The following ZNF536 variants were observed in gnomAD, a reference collection of about 807,000 sequenced individuals.
ZNF536 encodes zinc finger protein 536.
A neutral mutation model predicts 84.5 loss-of-function variants in ZNF536; 13 were observed. That is an observed-to-expected ratio of 0.15 (90% CI 0.10 to 0.24). The LOEUF is 0.24. Among genes scored for constraint, ZNF536 ranks in the 10% least tolerant of loss-of-function variants. ZNF536 has a pLI of 1.00. For synonymous variants in ZNF536, 811 were observed against 742.5 expected (o/e 1.09, Z -1.50); for missense variants, 1,536 against 1,747.5 (o/e 0.88, Z 2.16).
At chr19:30,685,765 G>T (rs768287748) in intron 1 of ZNF536, among the ~76,000 whole-genome samples, 1 of 152,166 alleles carries the variant, frequency 6.6e-6, no homozygotes, top group African/African-American at 2.4e-5. Context: ...CGCTGCCGCC[G>T]TCCTCCCCTC....
intron 1 of ZNF536, among the ~76,000 whole-genome samples, chr19:30,593,485 G>A (rs527418930): frequency 3.3e-5 from 5 of 152,228 alleles, no homozygotes; most frequent in Admixed American, 2.6e-4. Flanking sequence ...CTCAGGCCTG[G>A]CTCTTATGAA....
chr19:30,670,884 A>G (rs1466345879), intron 1 of ZNF536, among the ~76,000 whole-genome samples: 3 of 152,154 alleles, frequency 2.0e-5, no homozygotes, highest in Non-Finnish European at 4.4e-5. Flanking sequence ...CACTCTATCA[A>G]ATGGATGAAT....
intron 2 of ZNF536, among the ~76,000 whole-genome samples, chr19:30,287,893 T>C (rs996212983): frequency 6.6e-6 from 1 of 152,200 alleles, no homozygotes; most frequent in African/African-American, 2.4e-5. Context: ...CCTTAGAATA[T>C]TGGGCTCATT....
At chr19:30,653,976 C>A (rs964350125) in intron 1 of ZNF536, among the ~76,000 whole-genome samples, 1 of 152,204 alleles carries the variant, frequency 6.6e-6, no homozygotes, top group Non-Finnish European at 1.5e-5. Context: ...CGTGCTTTAG[C>A]TCTGCCTTCT....
chr19:30,613,232 T>G (rs771638388), intron 1 of ZNF536, among the ~76,000 whole-genome samples: 1 of 152,186 alleles, frequency 6.6e-6, no homozygotes, highest in South Asian at 2.1e-4. Flanking sequence ...TTTATGTTTA[T>G]TTTTCCCTTT....
At chr19:30,488,085 T>C (rs2054366528) in intron 2 of ZNF536, among the ~76,000 whole-genome samples, 1 of 152,210 alleles carries the variant, frequency 6.6e-6, no homozygotes, top group Non-Finnish European at 1.5e-5. Context: ...GTACCACTTA[T>C]CTGTCTGCTC....
chr19:30,371,566 T>G (rs1314593863), upstream of ZNF536, among the ~76,000 whole-genome samples: 1 of 151,138 alleles, frequency 6.6e-6, no homozygotes, highest in Non-Finnish European at 1.5e-5. Context: ...TTGTTTTTTT[T>G]TTTTTGTTTT....
At chr19:30,391,648 G>A (rs2049595797) in intron 1 of ZNF536, among the ~76,000 whole-genome samples, 1 of 152,154 alleles carries the variant, frequency 6.6e-6, no homozygotes, top group Non-Finnish European at 1.5e-5. Context: ...GCGCTTAATT[G>A]TAAAGAATGA....
intron 2 of ZNF536, among the ~76,000 whole-genome samples, chr19:30,466,617 T>C (rs2053412285): frequency 7.5e-6 from 1 of 133,662 alleles, no homozygotes; most frequent in African/African-American, 2.9e-5. Flanking sequence ...AAAAGAGAAC[T>C]TACCATTTTA....
chr19:30,445,298 C>T lies in ZNF536; in HGVS notation c.1736C>T (p.Pro579Leu), dbSNP rs2052269617. The change falls in exon 2 of 5, where the codon CCT becomes CTT. Residue 579 changes from proline (P) to leucine (L), a missense_variant. Around this residue, in one of 8 missense-constraint regions of ZNF536, gnomAD observed 366 missense variants for 364.4 expected, o/e 1.00. Transcript: ENST00000355537. This position sits in a 1 kb window ranked among gnomAD's most constrained non-coding sequence, Gnocchi z 4.5. ...GCAGATGGCTCCAAGCAGAAAATGC[C>T]TGCTGATTTGGTTCACAGCACTAAA... is the stretch of plus-strand genomic sequence containing the variant. ...VGADGSKQKM[P>L]ADLVHSTKVG... 6.2e-7 allele frequency: 1 copy of T among 1,614,202 alleles called. No homozygotes were observed. Among genetic ancestry groups the T allele is most frequent in the Non-Finnish European group, 8.5e-7 (1 of 1,180,040 alleles).
At chr19:30,602,401 T>C (rs2047721149) in intron 1 of ZNF536, among the ~76,000 whole-genome samples, 1 of 152,260 alleles carries the variant, frequency 6.6e-6, no homozygotes, top group African/African-American at 2.4e-5. Context: ...GCTCCCATTC[T>C]TGTGGGCTCT....
chr19:30,623,987 T>C (rs1032025135), intron 1 of ZNF536, among the ~76,000 whole-genome samples: 3 of 152,160 alleles, frequency 2.0e-5, no homozygotes, highest in African/African-American at 7.2e-5. Context: ...GAAATGGGCT[T>C]CGGAGTGATT....
At chr19:30,382,403 C>A (rs1286454513) in intron 1 of ZNF536, among the ~76,000 whole-genome samples, 1 of 152,136 alleles carries the variant, frequency 6.6e-6, no homozygotes, top group Non-Finnish European at 1.5e-5. Context: ...ATCCACAAAA[C>A]AATAATAGAT....
chr19:30,628,586 G>A (rs374544752), intron 1 of ZNF536, among the ~76,000 whole-genome samples: 4 of 152,030 alleles, frequency 2.6e-5, no homozygotes, highest in African/African-American at 4.8e-5. Flanking sequence ...CCGCCACCAC[G>A]CCTGGCTAAG....
intron 1 of ZNF536, among the ~76,000 whole-genome samples, chr19:30,386,638 A>G (rs1432943156): frequency 6.6e-6 from 1 of 152,184 alleles, no homozygotes; most frequent in African/African-American, 2.4e-5. Context: ...TTGGCCTCCC[A>G]AAATGTTGGG....
intron 1 of ZNF536, among the ~76,000 whole-genome samples, chr19:30,573,570 C>A (rs1014278037): frequency 6.6e-6 from 1 of 152,144 alleles, no homozygotes; most frequent in African/African-American, 2.4e-5. Context: ...CTATGAGAAA[C>A]ACAGCCATCC....
chr19:30,503,418 C>G (rs1448637044), intron 2 of ZNF536, among the ~76,000 whole-genome samples: 2 of 152,090 alleles, frequency 1.3e-5, no homozygotes, highest in Non-Finnish European at 2.9e-5. Context: ...ATCTTTGCAG[C>G]CATTAAATGT....
chr19:30,536,793 G>A (rs564864653), intron 3 of ZNF536, among the ~76,000 whole-genome samples: 19 of 152,148 alleles, frequency 1.2e-4, no homozygotes, highest in Non-Finnish European at 1.8e-4. Context: ...CAAAGTGGAA[G>A]ATCCTCTTCC....
intron 1 of ZNF536, among the ~76,000 whole-genome samples, chr19:30,683,768 A>G (rs2051067105): frequency 6.6e-6 from 1 of 152,226 alleles, no homozygotes; most frequent in South Asian, 2.1e-4. Context: ...CCTTTGGGAA[A>G]GGAAACAGCC....
Sources: allele counts gnomAD v4.1 joint callset (sites outside exome capture counted in the v4.1 genomes callset), GRCh38; gene constraint gnomAD v4.1.1; regional missense constraint gnomAD v4.1.1; non-coding constraint Gnocchi (gnomAD v3.1); transcripts MANE v1.5; gene names NCBI Gene and HGNC (gene_info 2026-07-23, HGNC 2026-07-21).